RHEB: variants seen among roughly 807,000 people sequenced by gnomAD.
RHEB encodes the protein GTP-binding protein Rheb.
In RHEB, 2 loss-of-function variants were observed where a neutral mutation model predicts 28.8. That is an observed-to-expected ratio of 0.07 (90% CI 0.03 to 0.22). RHEB has a LOEUF of 0.22. Ranked by LOEUF, RHEB falls within the 10% of genes least tolerant of loss-of-function variation. RHEB has a pLI of 1.00. For synonymous variants in RHEB, 69 were observed against 77.3 expected (o/e 0.89, Z 0.56); for missense variants, 76 against 219.9 (o/e 0.35, Z 4.14).
At chr7:151,467,974 G>A (rs993580065) in intron 7 of RHEB, among the ~76,000 whole-genome samples, 1 of 151,898 alleles carries the variant, frequency 6.6e-6, no homozygotes, top group Non-Finnish European at 1.5e-5. Context: ...GCCTAGCCTC[G>A]CCTCCTTATG....
intron 1 of RHEB, among the ~76,000 whole-genome samples, chr7:151,517,296 G>T (rs1453496409): frequency 6.6e-6 from 1 of 151,596 alleles, no homozygotes; most frequent in Non-Finnish European, 1.5e-5. Flanking sequence ...TGAGTCCGGG[G>T]CGTGGAGGAT....
chr7:151,480,506 G>A (rs887937196), intron 3 of RHEB, among the ~76,000 whole-genome samples: 19 of 151,800 alleles, frequency 1.3e-4, no homozygotes, highest in Middle Eastern at 3.4e-3. Context: ...GGGGGTGGGG[G>A]GTTAGATAGC....
chr7:151,498,443 C>G (rs897274924), intron 1 of RHEB, among the ~76,000 whole-genome samples: 1 of 151,834 alleles, frequency 6.6e-6, no homozygotes, highest in African/African-American at 2.4e-5. Flanking sequence ...ACAGTGAGAC[C>G]CCCCCAGTCT....
intron 3 of RHEB, among the ~76,000 whole-genome samples, chr7:151,479,137 C>T (rs564661617): frequency 6.6e-6 from 1 of 152,166 alleles, no homozygotes; most frequent in African/African-American, 2.4e-5. Context: ...ACAGAACAGA[C>T]TGAAAAATCC....
In RHEB at chr7:151,466,892, T is replaced by C. The variant is rs9422186; in HGVS notation, c.*227A>G. 2.3e-6 allele frequency: 1 copy of C among 432,578 alleles called. No homozygotes were observed. The allele number at this position is 432,578 out of a possible 1,614,324, so 26.8% of individuals were successfully genotyped here. A position where few individuals can be genotyped will look rare whatever the true frequency, so the allele number is the denominator to read the frequency against. ...AATTCTTGGTCATAATATTAAGAAA[T>C]ACAATATATAAATTGAAAATATGAT... On this transcript the variant is annotated 3_prime_UTR_variant, in exon 8 of 8. Coordinates refer to ENST00000262187, the MANE Select transcript of RHEB (RefSeq NM_005614.4).
intron 3 of RHEB, among the ~76,000 whole-genome samples, chr7:151,482,769 T>C (rs1297703321): frequency 1.3e-5 from 2 of 152,204 alleles, no homozygotes; most frequent in African/African-American, 2.4e-5. Context: ...TCTGAAAGTG[T>C]CTTGGTTTAG....
chr7:151,501,928 C>T (rs1382447180), intron 1 of RHEB: 4 of 720,188 alleles, frequency 5.6e-6, no homozygotes, highest in African/African-American at 1.8e-5. Context: ...TCTGGAAGAT[C>T]AAGAAGCTCA....
At chr7:151,470,678 A>T (rs1011136743) in intron 6 of RHEB, 26 bp from the exon 7 acceptor site, 2 of 1,488,574 alleles carry the variant, frequency 1.3e-6, no homozygotes, top group Non-Finnish European at 1.9e-6. Flanking sequence ...AATTCTAGTT[A>T]AAGTACTTTG....
chr7:151,483,446 T>C (rs946408006), intron 3 of RHEB, among the ~76,000 whole-genome samples: 1 of 152,038 alleles, frequency 6.6e-6, no homozygotes, highest in African/African-American at 2.4e-5. Flanking sequence ...GGGCCAGGCA[T>C]GGTGGCTCAT....
intron 1 of RHEB, among the ~76,000 whole-genome samples, chr7:151,495,782 C>T (rs1380894477): frequency 6.6e-6 from 1 of 152,132 alleles, no homozygotes; most frequent in African/African-American, 2.4e-5. Context: ...AAAACCCTAT[C>T]TCTACAAAAA....
intron 1 of RHEB, among the ~76,000 whole-genome samples, chr7:151,495,438 C>A (rs1161469552): frequency 1.3e-5 from 2 of 152,144 alleles, no homozygotes; most frequent in Admixed American, 1.3e-4. Context: ...TTAAAAAATT[C>A]TTCTGAGCTT....
In RHEB at chr7:151,468,586, G is replaced by A. The variant is rs75207949; in HGVS notation, c.463-1375C>T. ...TGTCCCTTCTCCTCAAATGTTCCCC[G>A]TGCTTACGCTCAGCTGAAAACCTTG... On this transcript the variant is annotated intron_variant, in intron 7 of 7. Transcript: ENST00000262187. The surrounding 1 kb of genome is among the most constrained non-coding windows in gnomAD (Gnocchi z 4.3). Among the ~76,000 whole-genome samples, 2 of 152,350 alleles carry A rather than the reference G, an allele frequency of 1.3e-5. No homozygotes were observed. Among genetic ancestry groups the A allele is most frequent in the East Asian group, 3.9e-4 (2 of 5,192 alleles).
rs1203537507 is a variant in RHEB at position 151,468,043 on chromosome 7, C to A, written c.463-832G>T. Among the ~76,000 whole-genome samples, 1 of 152,094 alleles carries A rather than the reference C, an allele frequency of 6.6e-6. No individual in the cohort carries two copies. Among genetic ancestry groups the A allele is most frequent in the African/African-American group, 2.4e-5 (1 of 41,414 alleles). On this transcript the variant is annotated intron_variant, in intron 7 of 7. Transcript: ENST00000262187. The surrounding 1 kb of genome is among the most constrained non-coding windows in gnomAD (Gnocchi z 4.3). ...CCAGACCCTGTCCTTGAAATGCAGT[C>A]CTGTGGTCATGAAAAACTGCCCCTG...
At chr7:151,507,575 C>A (rs980320995) in intron 1 of RHEB, among the ~76,000 whole-genome samples, 2 of 152,160 alleles carry the variant, frequency 1.3e-5, no homozygotes, top group African/African-American at 2.4e-5. Flanking sequence ...GTTTACGGAA[C>A]ATTCTCACAT....
chr7:151,493,144 A>C (rs2150930470), intron 1 of RHEB, among the ~76,000 whole-genome samples: 1 of 152,026 alleles, frequency 6.6e-6, no homozygotes, highest in East Asian at 1.9e-4. Context: ...CCTGCCCTAA[A>C]TTCCCAGCTT....
chr7:151,500,990 C>A (rs1802763200), intron 1 of RHEB, among the ~76,000 whole-genome samples: 1 of 151,652 alleles, frequency 6.6e-6, no homozygotes, highest in South Asian at 2.1e-4. Context: ...TCTCCAAAAT[C>A]AAAAAAATCA....
At chr7:151,518,934 T>A (rs1207440370) in intron 1 of RHEB, 1 of 152,206 alleles carries the variant, frequency 6.6e-6, no homozygotes. Flanking sequence ...GTCCTCTAAA[T>A]CCCTAGTTTT....
intron 3 of RHEB, among the ~76,000 whole-genome samples, chr7:151,480,799 C>T (rs1330575101): frequency 6.6e-6 from 1 of 151,888 alleles, no homozygotes; most frequent in African/African-American, 2.4e-5. Context: ...ATTCTCCTGC[C>T]TCGGCCTCCC....
In RHEB at chr7:151,467,395, A is replaced by T. The variant is rs1342364195; in HGVS notation, c.463-184T>A. Among the ~76,000 whole-genome samples the T allele has an allele frequency of 3.9e-5, 6 of 152,018 alleles. No individual in the cohort carries two copies. In the East Asian group the frequency reaches 1.2e-3, roughly 29 times the overall value. On this transcript the variant is annotated intron_variant, in intron 7 of 7. Transcript: ENST00000262187. ...GTAAGGCCACTGTCCACCCCTCCTG[A>T]CCCAGACCATAACCAGCCTCCGATT... is the stretch of plus-strand genomic sequence containing the variant.
Sources: gnomAD v4.1 joint callset for allele counts (sites outside exome capture counted in the v4.1 genomes callset) on GRCh38, gnomAD v4.1.1 for gene constraint, Gnocchi (gnomAD v3.1) non-coding constraint, MANE v1.5 for transcripts, NCBI Gene and HGNC (gene_info 2026-07-23, HGNC 2026-07-21) for gene names.